SUCO: variants seen among roughly 807,000 people sequenced by gnomAD.
The protein encoded by SUCO is SUN domain-containing ossification factor.
SUCO carries 57 observed loss-of-function variants against 148.1 expected under a neutral mutation model. That is an observed-to-expected ratio of 0.38 (90% CI 0.31 to 0.48). The LOEUF is 0.48. Among genes scored for constraint, SUCO ranks in the 20% least tolerant of loss-of-function variants. The probability of loss-of-function intolerance (pLI) is 0.96; values close to 1 mark genes in which losing one functional copy is unlikely to be tolerated. For synonymous variants in SUCO, 470 were observed against 502.7 expected, an observed-to-expected ratio of 0.93 and a Z score of 0.87; for missense variants, 1,331 against 1,468.2, an observed-to-expected ratio of 0.91 and a Z score of 1.53.
intron 1 of SUCO, among the ~76,000 whole-genome samples, chr1:172,547,980 C>A (rs531239357): frequency 2.1e-4 from 32 of 151,978 alleles, no homozygotes; most frequent in African/African-American, 7.5e-4. Flanking sequence ...AAAATATTAA[C>A]AATGGATTGA....
At chr1:172,547,376 C>A (rs952741769) in intron 1 of SUCO, among the ~76,000 whole-genome samples, 1 of 152,158 alleles carries the variant, frequency 6.6e-6, no homozygotes, top group Non-Finnish European at 1.5e-5. Context: ...TTTTTGTAGA[C>A]ATAGTTTTCA....
chr1:172,606,203 G>T (rs1299135932), intron 22 of SUCO, among the ~76,000 whole-genome samples: 1 of 151,324 alleles, frequency 6.6e-6, no homozygotes, highest in African/African-American at 2.4e-5. Flanking sequence ...AATAAGATTG[G>T]CATGTAATAT....
At chr1:172,601,471 C>T (rs1010904092) in intron 20 of SUCO, among the ~76,000 whole-genome samples, 1 of 148,032 alleles carries the variant, frequency 6.8e-6, no homozygotes, top group South Asian at 2.1e-4. Context: ...TGCATTCCAG[C>T]CTGGGCAACA....
In SUCO at chr1:172,559,545, A is replaced by ACAG. The variant is rs537429141; in HGVS notation, c.732+1764_732+1766dup. ...GCGACTTTAATTGAAGCGGCAGTGT[A>ACAG]CAGCAGCAGCAGCAGAGGTAATGCT... On this transcript the variant is annotated intron_variant, in intron 6 of 23. Coordinates refer to ENST00000263688, the MANE Select transcript of SUCO (RefSeq NM_014283.5). Among the ~76,000 whole-genome samples, 256 of 152,228 alleles carry ACAG rather than the reference A, an allele frequency of 1.7e-3. 1 individual carries two copies. The highest frequency in any genetic ancestry group is 6.0e-3 in the African/African-American group (248 of 41,550).
intron 17 of SUCO, chr1:172,588,363 C>T: frequency 5.1e-6 from 5 of 985,236 alleles, no homozygotes; most frequent in Non-Finnish European, 6.0e-6. Context: ...TAAGCTAGCT[C>T]TTAGTTGGCT....
Position 172,577,787 on chromosome 1 carries a change from A to G in SUCO, c.1308A>G (p.Gly436=). Residue 436 remains glycine (G), a synonymous_variant, in exon 13 of 24, where the codon GGA becomes GGG. Transcript: ENST00000263688. The part of the protein sequence containing the change: ...YIKVELLSHF[G]SEHFCPLSLI... ...AGGTTGAGTTGCTATCACATTTTGGATCAGAGCACTTTTGTCCATTAAGCC... is the reference window on the plus strand; with the variant it reads ...AGGTTGAGTTGCTATCACATTTTGGGTCAGAGCACTTTTGTCCATTAAGCC... The G allele has an allele frequency of 1.2e-6, 2 of 1,611,880 alleles. No individual in the cohort carries two copies. The highest frequency in any genetic ancestry group is 2.2e-5 in the South Asian group (2 of 90,892).
chr1:172,598,930 TTA>T (rs1397538865), intron 19 of SUCO, among the ~76,000 whole-genome samples: 2 of 152,136 alleles, frequency 1.3e-5, no homozygotes, highest in African/African-American at 4.8e-5. Flanking sequence ...TGTTACAGTT[TTA>T]TACACCCCCC....
chr1:172,570,821 AT>A (rs1654908024), intron 9 of SUCO, 91 bp downstream of exon 9: 7 of 792,430 alleles, frequency 8.8e-6, no homozygotes, highest in Non-Finnish European at 1.3e-5. Context: ...ACATATAATA[AT>A]TTAATAAGCT....
chr1:172,593,170 T>C (rs1282741058), intron 19 of SUCO, among the ~76,000 whole-genome samples: 1 of 152,248 alleles, frequency 6.6e-6, no homozygotes, highest in Non-Finnish European at 1.5e-5. Context: ...TAGGGAGATT[T>C]TGGGCTGAGA....
At chr1:172,590,885 A>C (rs535813556) in intron 18 of SUCO, 99 bp from the exon 19 acceptor site, 3 of 797,756 alleles carry the variant, frequency 3.8e-6, no homozygotes, top group South Asian at 3.5e-5. Flanking sequence ...TTTCAGAAAA[A>C]TAGATTTGTC....
chr1:172,567,246 A>T (rs1298807246), intron 6 of SUCO, among the ~76,000 whole-genome samples: 1 of 152,226 alleles, frequency 6.6e-6, no homozygotes, highest in Non-Finnish European at 1.5e-5. Flanking sequence ...AGAGTTTCCT[A>T]TCTAATAGAT....
At position 172,570,206 on chromosome 1, in the gene SUCO, G is replaced by A. The variant is rs777743928; in HGVS notation, c.981+35G>A. 3.8e-6 allele frequency: 5 copies of A among 1,304,866 alleles called. No homozygotes were observed. In the African/African-American group the frequency reaches 6.1e-5, roughly 16 times the overall value. The allele number at this position is 1,304,866 out of a possible 1,614,324, so 80.8% of individuals were successfully genotyped here. ...TAAATATAAAATTTTGTATATATAG[G>A]AAATTAACGACTTTTTAAAATACAG... On this transcript the variant is annotated intron_variant, in intron 8 of 23. Transcript: ENST00000263688.
At chr1:172,596,672 C>A (rs1368074593) in intron 19 of SUCO, among the ~76,000 whole-genome samples, 1 of 152,162 alleles carries the variant, frequency 6.6e-6, no homozygotes, top group Admixed American at 6.5e-5. Flanking sequence ...GGCACCCGGC[C>A]CCATATGAGG....
Position 172,558,404 on chromosome 1 carries a change from A to G in SUCO, c.732+610A>G, listed in dbSNP as rs573499479. Among the ~76,000 whole-genome samples the G allele has an allele frequency of 8.9e-4, 136 of 152,342 alleles. 1 individual carries two copies. The highest frequency in any genetic ancestry group is 3.4e-3 in the Middle Eastern group (1 of 294). On this transcript the variant is annotated intron_variant, in intron 6 of 23. Transcript: ENST00000263688. ...CAACACAGCAATTTAAACTTCCCTC[A>G]GGTAAGCAATAACTAAGTTACAGAG...
intron 6 of SUCO, among the ~76,000 whole-genome samples, chr1:172,562,256 G>C (rs1654213641): frequency 6.7e-6 from 1 of 150,324 alleles, no homozygotes; most frequent in African/African-American, 2.4e-5. Flanking sequence ...CAAAAGAATA[G>C]ATTACAAGAT....
chr1:172,548,938 A>G (rs1653073514), intron 1 of SUCO, among the ~76,000 whole-genome samples: 1 of 151,908 alleles, frequency 6.6e-6, no homozygotes, highest in Admixed American at 6.6e-5. Context: ...AGACCACCAT[A>G]CTTTTTGTTT....
rs1199514823 is a variant in SUCO, at chr1:172,589,275, A to T, written c.2174A>T (p.His725Leu). The part of the protein sequence containing the change: ...TVDAVELEPS[H>L]SQTLSQSLLL... ...GATGCAGTTGAACTTGAACCAAGCC[A>T]TTCTCAAACTCTTTCTCAGTCTCTT... The change falls in exon 18 of 24, where the codon CAT becomes CTT. Residue 725 changes from histidine to leucine, a missense_variant. Coordinates refer to ENST00000263688, the MANE Select transcript of SUCO (RefSeq NM_014283.5). 1.9e-6 allele frequency: 3 copies of T among 1,613,806 alleles called. No individual in the cohort carries two copies. The Admixed American group carries it at 5.0e-5, about 27-fold the overall frequency.
At chr1:172,534,820 CTG>C (rs1223906806) in intron 1 of SUCO, among the ~76,000 whole-genome samples, 3 of 152,150 alleles carry the variant, frequency 2.0e-5, no homozygotes, top group Admixed American at 6.5e-5. Context: ...TATTTGTAGA[CTG>C]TGTATTTTCT....
At chr1:172,608,483 AG>A (rs1429412821) in intron 22 of SUCO, 1 of 450,214 alleles carries the variant, frequency 2.2e-6, no homozygotes, top group East Asian at 4.4e-5. Flanking sequence ...GTTGATAACC[AG>A]CTACTAGTTA....
Sources: gnomAD v4.1 joint callset for allele counts (sites outside exome capture counted in the v4.1 genomes callset) on GRCh38, gnomAD v4.1.1 for gene constraint, MANE v1.5 for transcripts, NCBI Gene and HGNC (gene_info 2026-07-23, HGNC 2026-07-21) for gene names.